Variants in NEURL4 observed in about 807,000 individuals in gnomAD.
NEURL4 encodes neuralized E3 ubiquitin protein ligase 4.
A neutral mutation model predicts 148.0 loss-of-function variants in NEURL4; 45 were observed. The ratio of observed to expected loss-of-function variants is 0.30; its 90% CI spans 0.24 to 0.39. The LOEUF (loss-of-function observed/expected upper bound fraction) is 0.39, where lower values mean the gene tolerates loss of function less well. Among genes scored for constraint, NEURL4 ranks in the 10% least tolerant of loss-of-function variants. The pLI is 1.00. For synonymous variants in NEURL4, 854 were observed against 869.0 expected (o/e 0.98, Z 0.30); for missense variants, 1,776 against 2,144.0 (o/e 0.83, Z 3.39).
Position 7,324,108 on chromosome 17 carries a change from C to T in NEURL4, c.2062G>A (p.Glu688Lys), listed in dbSNP as rs1368382443. The change falls in exon 11 of 29, where the codon GAG becomes AAG. Residue 688 changes from glutamate (E) to lysine (K), a missense_variant and splice_region_variant. Coordinates refer to ENST00000399464, the MANE Select transcript of NEURL4 (RefSeq NM_032442.3). The surrounding 1 kb of genome is among the most constrained non-coding windows in gnomAD (Gnocchi z 5.9). ...AGCCCCAGCCCAGCCCGGCCCTCAC[C>T]CACGTCGTCCACAATGGTGGCCTGG... ...AAQATIVDDVEVAPVPEPLPE... is the reference protein window; with the variant it reads ...AAQATIVDDVKVAPVPEPLPE... 3.1e-6 allele frequency: 5 copies of T among 1,612,582 alleles called. No homozygotes were observed. Among genetic ancestry groups the T allele is most frequent in the Non-Finnish European group, 4.2e-6 (5 of 1,179,924 alleles).
In NEURL4 at chr17:7,318,531, G is replaced by A. The variant is rs776763243; in HGVS notation, c.3828C>T (p.Cys1276=). 6.2e-7 allele frequency: 1 copy of A among 1,612,290 alleles called. No individual in the cohort carries two copies. The highest frequency in any genetic ancestry group is 2.2e-5 in the East Asian group (1 of 44,872). Residue 1276 remains cysteine (C), a synonymous_variant, in exon 23 of 29, where the codon TGC becomes TGT. Transcript: ENST00000399464. This position sits in a 1 kb window ranked among gnomAD's most constrained non-coding sequence, Gnocchi z 4.3. ...GVAVPDVPQP[C]HALVDLYGQC... ...GCCCATAGAGGTCCACAAGCGCATG[G>A]CAGGGCTGGGGCACATCTGGCACAG...
Position 7,328,348 on chromosome 17 carries a change from C to A in NEURL4, c.283-464G>T, listed in dbSNP as rs1163863118. On this transcript the variant is annotated intron_variant, in intron 1 of 28. Transcript: ENST00000399464. ...CACTGAATCACACACACCTCCCTCACCCTGGATCTTTCTCCTCACCTATCT... is the reference window on the plus strand; with the variant it reads ...CACTGAATCACACACACCTCCCTCAACCTGGATCTTTCTCCTCACCTATCT... 3.9e-5 allele frequency among the ~76,000 whole-genome samples: 6 copies of A among 152,244 alleles called. No individual in the cohort carries two copies. In the East Asian group the frequency reaches 9.6e-4, roughly 24 times the overall value.
chr17:7,325,299 G>A lies in NEURL4; in HGVS notation c.1541C>T (p.Ala514Val). 1 of 1,610,274 alleles carries A rather than the reference G, an allele frequency of 6.2e-7. No individual in the cohort carries two copies. The highest frequency in any genetic ancestry group is 8.5e-7 in the Non-Finnish European group (1 of 1,178,700). Residue 514 changes from alanine (A) to valine (V), a missense_variant, in exon 8 of 29, where the codon GCC becomes GTC. Physicochemically the swap from Ala to Val is moderately conservative, Grantham distance 64. Transcript: ENST00000399464. The part of the protein sequence containing the change: ...EGALRRAAPA[A>V]QAEPERLLFH... ...GAGCAGGCGCTCAGGTTCTGCCTGG[G>A]CGGCAGGGGCAGCACGGCGGAGAGC...
chr17:7,325,539 G>A, intron 7 of NEURL4, 66 bp from the exon 8 acceptor site: 2 of 1,591,156 alleles, frequency 1.3e-6, no homozygotes, highest in Non-Finnish European at 1.7e-6. Flanking sequence ...GTCAAACACA[G>A]GGAGGCCAAG....
In NEURL4 at chr17:7,316,249, G is replaced by A. The variant is rs368529019; in HGVS notation, c.4563C>T (p.Thr1521=). Residue 1521 remains threonine (T), a synonymous_variant, in exon 29 of 29, where the codon ACC becomes ACT. Transcript: ENST00000399464. ...FQVCVRPGSY[T]PGPPSAALGE... ...CAAGGGCAGCGGAAGGGGGTCCCGG[G>A]GTGTAGGAGCCAGGGCGCACACACA... 12 of 1,613,878 alleles carry A rather than the reference G, an allele frequency of 7.4e-6. 1 individual carries two copies. The highest frequency in any genetic ancestry group is 5.0e-5 in the Admixed American group (3 of 60,020).
At position 7,329,171 on chromosome 17, in the gene NEURL4, T is replaced by C. The variant is rs201651586; in HGVS notation, c.142A>G (p.Thr48Ala). 24 of 1,598,276 alleles carry C rather than the reference T, an allele frequency of 1.5e-5. No homozygotes were observed. The South Asian group carries it at 1.7e-4, about 11-fold the overall frequency. ...LGSGGELHPRTGRLVSLSACG... is the reference protein window; with the variant it reads ...LGSGGELHPRAGRLVSLSACG... ...GCCGACAGGCTCACCAAGCGCCCAG[T>C]GCGCGGGTGCAGTTCCCCGCCGCTG... is the stretch of plus-strand genomic sequence containing the variant. Residue 48 changes from threonine to alanine, a missense_variant, in exon 1 of 29, where the codon ACT becomes GCT. Physicochemically the swap from Thr to Ala is moderately conservative, Grantham distance 58. Coordinates refer to ENST00000399464, the MANE Select transcript of NEURL4 (RefSeq NM_032442.3).
chr17:7,328,009 C>A, intron 1 of NEURL4, 125 bp from the exon 2 acceptor site: 1 of 733,866 alleles, frequency 1.4e-6, no homozygotes, highest in Admixed American at 2.9e-5. Flanking sequence ...TCCAGAGATG[C>A]AGACAGTGAT....
chr17:7,316,722 G>A (rs942279259), intron 28 of NEURL4, among the ~76,000 whole-genome samples: 1 of 152,174 alleles, frequency 6.6e-6, no homozygotes, highest in African/African-American at 2.4e-5. Context: ...AGGAGATCGA[G>A]ACCATCCTGG....
rs747042325 is a variant in NEURL4 at position 7,323,828 on chromosome 17, G to A, written c.2247C>T (p.Ile749=). ...GAGAGACTGACCGGTTGGAGATGAC[G>A]ATGGCGTCATTAAACTCGCTGCGAC... ...HNCRSEFNDA[I]VISNRALRDG... is the part of the protein sequence containing the mutation. The change falls in exon 12 of 29, where the codon ATC becomes ATT. Residue 749 remains isoleucine (I), a synonymous_variant. Transcript: ENST00000399464. 4.3e-6 allele frequency: 7 copies of A among 1,613,990 alleles called. No homozygotes were observed. The East Asian group carries it at 6.7e-5, about 15-fold the overall frequency.
chr17:7,323,587 A>C (rs779621738), intron 13 of NEURL4, 24 bp from the exon 14 acceptor site: 1 of 1,614,158 alleles, frequency 6.2e-7, no homozygotes, highest in East Asian at 2.2e-5. Flanking sequence ...GGGGTAAGTC[A>C]AGGCCGATCC....
At position 7,318,979 on chromosome 17, in the gene NEURL4, C is replaced by T. The variant is rs1366055363; in HGVS notation, c.3684+71G>A. On this transcript the variant is annotated intron_variant, in intron 22 of 28. Coordinates refer to ENST00000399464, the MANE Select transcript of NEURL4 (RefSeq NM_032442.3). This position sits in a 1 kb window ranked among gnomAD's most constrained non-coding sequence, Gnocchi z 4.3. ...TCCTACCTCCAAGGCTAGGGGCCCA[C>T]TTCTCCCTTCTGGCCAGCCCTTCTC... is the stretch of plus-strand genomic sequence containing the variant. 1.3e-6 allele frequency: 2 copies of T among 1,506,116 alleles called. No individual in the cohort carries two copies. The highest frequency in any genetic ancestry group is 1.8e-6 in the Non-Finnish European group (2 of 1,120,182). The allele number at this position is 1,506,116 out of a possible 1,614,324, so 93.3% of individuals were successfully genotyped here.
At chr17:7,317,012 CT>C (rs961860015) in intron 28 of NEURL4, among the ~76,000 whole-genome samples, 192 bp downstream of exon 28, 5 of 152,024 alleles carry the variant, frequency 3.3e-5, no homozygotes, top group African/African-American at 1.2e-4. Flanking sequence ...AGCAAGGTTC[CT>C]TTTTTTGCCC....
intron 14 of NEURL4, 98 bp downstream of exon 14, chr17:7,323,383 GGTCT>G: frequency 8.2e-7 from 1 of 1,220,884 alleles, no homozygotes; most frequent in Non-Finnish European, 1.2e-6. Context: ...AGATCCCCTA[GGTCT>G]GTCACTACCC....
At position 7,327,082 on chromosome 17, in the gene NEURL4, T is replaced by G; in HGVS notation, c.794-73A>C. The G allele has an allele frequency of 6.3e-7, 1 of 1,599,434 alleles. No individual in the cohort carries two copies. The highest frequency in any genetic ancestry group is 1.1e-5 in the South Asian group (1 of 90,844). On this transcript the variant is annotated intron_variant, in intron 3 of 28. Transcript: ENST00000399464. This position sits in a 1 kb window ranked among gnomAD's most constrained non-coding sequence, Gnocchi z 6.6. ...TCTACACCCCCAGACCTGGTGCCTCTCTCCCTACCCCTTCTCCTGAGGGCC... is the reference window on the plus strand; with the variant it reads ...TCTACACCCCCAGACCTGGTGCCTCGCTCCCTACCCCTTCTCCTGAGGGCC...
Position 7,321,580 on chromosome 17 carries a change from G to A in NEURL4, c.3079C>T (p.Arg1027Trp), listed in dbSNP as rs778179793. The A allele has an allele frequency of 8.7e-6, 14 of 1,613,926 alleles. No homozygotes were observed. The highest frequency in any genetic ancestry group is 4.0e-5 in the African/African-American group (3 of 74,890). The change falls in exon 18 of 29, where the codon CGG (arginine) becomes TGG (tryptophan). Residue 1027 changes from arginine to tryptophan, a missense_variant. Transcript: ENST00000399464. The surrounding 1 kb of genome is among the most constrained non-coding windows in gnomAD (Gnocchi z 6.3). Reference sequence around the variant, plus strand: ...TTCACCCCCAGCCTCTCTAGGTTCCGGCCATAGTTCATCCTCTGGAGCTGC... The same window carrying A: ...TTCACCCCCAGCCTCTCTAGGTTCCAGCCATAGTTCATCCTCTGGAGCTGC... ...DGQLQRMNYG[R>W]NLERLGVGSR...
Position 7,324,791 on chromosome 17 carries a change from GAGCTCAC to G in NEURL4, c.1813+1_1813+7del. On this transcript the variant is annotated splice_donor_variant and splice_donor_5th_base_variant and intron_variant, in intron 9 of 28. Coordinates refer to ENST00000399464, the MANE Select transcript of NEURL4 (RefSeq NM_032442.3). LOFTEE classifies it high-confidence loss of function. This position sits in a 1 kb window ranked among gnomAD's most constrained non-coding sequence, Gnocchi z 5.9. ...CCTATCCTGTCCCTGCCCTTCCTGG[GAGCTCAC>G]CAGAGCGCAAGTTGGTCATGGTGGA... is the stretch of plus-strand genomic sequence containing the variant. The G allele has an allele frequency of 6.2e-7, 1 of 1,614,032 alleles. No individual in the cohort carries two copies.
rs746735044 is a variant in NEURL4 at position 7,316,250 on chromosome 17, G to C, written c.4562C>G (p.Thr1521Ser). The C allele has an allele frequency of 3.1e-6, 5 of 1,613,736 alleles. No homozygotes were observed. The highest frequency in any genetic ancestry group is 4.2e-6 in the Non-Finnish European group (5 of 1,179,968). Residue 1521 changes from threonine (T) to serine (S), a missense_variant, in exon 29 of 29, where the codon ACC (threonine) becomes AGC (serine). Physicochemically the swap from Thr to Ser is moderately conservative, Grantham distance 58 (BLOSUM62 1). Transcript: ENST00000399464. ...AAGGGCAGCGGAAGGGGGTCCCGGGGTGTAGGAGCCAGGGCGCACACACAC... is the reference window on the plus strand; with the variant it reads ...AAGGGCAGCGGAAGGGGGTCCCGGGCTGTAGGAGCCAGGGCGCACACACAC... Reference protein sequence around the residue: ...FQVCVRPGSYTPGPPSAALGE... With the variant: ...FQVCVRPGSYSPGPPSAALGE...
At position 7,322,941 on chromosome 17, in the gene NEURL4, T is replaced by C. The variant is rs1597635181; in HGVS notation, c.2593+7A>G. On this transcript the variant is annotated splice_region_variant and intron_variant, in intron 15 of 28. Transcript: ENST00000399464. This position sits in a 1 kb window ranked among gnomAD's most constrained non-coding sequence, Gnocchi z 5.5. ...TGAGGGTGGCAGGCTGAAAGCCACATAGTCACCTTTACCCGGAGGCAGGCC... is the reference window on the plus strand; with the variant it reads ...TGAGGGTGGCAGGCTGAAAGCCACACAGTCACCTTTACCCGGAGGCAGGCC... 1.2e-6 allele frequency: 2 copies of C among 1,610,052 alleles called. No individual in the cohort carries two copies. The highest frequency in any genetic ancestry group is 2.3e-5 in the East Asian group (1 of 42,888).
Position 7,317,472 on chromosome 17 carries a change from T to A in NEURL4, c.4307A>T (p.Glu1436Val), listed in dbSNP as rs1256292058. ...AAVRRVLDRG[E>V]LGAGTASILS... ...CTACTCGCCAGTACCTGCTCCCAGC[T>A]CCCCTCGGTCCAGCACTCTCCGTAC... The change falls in exon 27 of 29, where the codon GAG becomes GTG. Residue 1436 changes from glutamate (E) to valine (V), a missense_variant. Transcript: ENST00000399464. 6.2e-7 allele frequency: 1 copy of A among 1,614,042 alleles called. No individual in the cohort carries two copies. Among genetic ancestry groups the A allele is most frequent in the East Asian group, 2.2e-5 (1 of 44,882 alleles).
Sources: allele counts gnomAD v4.1 joint callset (sites outside exome capture counted in the v4.1 genomes callset), GRCh38; gene constraint gnomAD v4.1.1; non-coding constraint Gnocchi (gnomAD v3.1); transcripts MANE v1.5; gene names NCBI Gene and HGNC (gene_info 2026-07-23, HGNC 2026-07-21).